Variants in EFEMP1 observed in about 807,000 individuals in gnomAD.
EFEMP1 encodes the protein EGF-like fibulin extracellular matrix protein 1, also known as EGF-containing fibulin-like extracellular matrix protein 1.
Under a neutral mutation model 65.7 loss-of-function variants are expected in EFEMP1, and 18 were observed. The observed-to-expected ratio is 0.27, with a 90% CI of 0.19 to 0.41. The LOEUF is 0.41. Among genes scored for constraint, EFEMP1 ranks in the 10% least tolerant of loss-of-function variants. The pLI is 1.00. For missense variants in EFEMP1, 469 were observed against 624.8 expected (o/e 0.75, Z 2.66); for synonymous variants, 237 against 219.7 (o/e 1.08, Z -0.70).
intron 5 of EFEMP1, among the ~76,000 whole-genome samples, chr2:55,906,196 T>C (rs72924564): frequency 0.034 from 5,089 of 151,402 alleles, 254 homozygotes; most frequent in African/African-American, 0.11. Context: ...GGTCATATGA[T>C]TGAAGTTCAG....
At chr2:55,887,201 C>T (rs542686694) in intron 5 of EFEMP1, among the ~76,000 whole-genome samples, 2 of 152,126 alleles carry the variant, frequency 1.3e-5, no homozygotes, top group Non-Finnish European at 2.9e-5. Context: ...TGCCCAGGGT[C>T]ACACAGAGCA....
chr2:55,868,455 G>C (rs1229581918), intron 11 of EFEMP1, among the ~76,000 whole-genome samples: 1 of 152,120 alleles, frequency 6.6e-6, no homozygotes, highest in Non-Finnish European at 1.5e-5. Context: ...GAGACACTGG[G>C]GCAGTGTGGG....
chr2:55,881,959 G>C (rs1443930091), intron 5 of EFEMP1, among the ~76,000 whole-genome samples: 1 of 152,130 alleles, frequency 6.6e-6, no homozygotes, highest in Non-Finnish European at 1.5e-5. Flanking sequence ...ATTTTGTCAT[G>C]TTGGTCTTGG....
chr2:55,889,519 T>A (rs1177467595), intron 5 of EFEMP1, among the ~76,000 whole-genome samples: 1 of 152,200 alleles, frequency 6.6e-6, no homozygotes, highest in Non-Finnish European at 1.5e-5. Flanking sequence ...ACTAAATTCT[T>A]TTTTCTGTTC....
chr2:55,869,190 A>G (rs1054980566), intron 11 of EFEMP1, among the ~76,000 whole-genome samples: 3 of 152,136 alleles, frequency 2.0e-5, no homozygotes, highest in Admixed American at 1.3e-4. Context: ...GCAAAGAAAA[A>G]ACATGTTGGA....
intron 5 of EFEMP1, among the ~76,000 whole-genome samples, chr2:55,892,778 A>C (rs1669679828): frequency 6.6e-6 from 1 of 152,138 alleles, no homozygotes; most frequent in Non-Finnish European, 1.5e-5. Context: ...GATGTGTTAA[A>C]GGTTGATGCC....
intron 5 of EFEMP1, among the ~76,000 whole-genome samples, chr2:55,900,597 C>CA (rs1258677871): frequency 1.3e-5 from 2 of 151,920 alleles, no homozygotes; most frequent in Admixed American, 6.6e-5. Flanking sequence ...TCTTCTTTAC[C>CA]AAAAAAACCC....
At chr2:55,889,833 A>T (rs1037514922) in intron 5 of EFEMP1, among the ~76,000 whole-genome samples, 22 of 151,794 alleles carry the variant, frequency 1.4e-4, no homozygotes, top group Non-Finnish European at 2.5e-4. Flanking sequence ...GTAAAAAAAA[A>T]AAATAAAACT....
chr2:55,904,966 C>CTTTTTTTTTTTT lies in EFEMP1; in HGVS notation c.517+12687_517+12698dup, dbSNP rs796758221. ...TTTCTTCTCTTCTAAGGGATAGTGG[C>CTTTTTTTTTTTT]TTTTTTTTTTTTCTTTTTCTTTTTT... On this transcript the variant is annotated intron_variant, in intron 5 of 11. Transcript: ENST00000355426. 1.7e-4 allele frequency among the ~76,000 whole-genome samples: 12 copies of CTTTTTTTTTTTT among 70,556 alleles called. 2 individuals carry two copies. Among genetic ancestry groups the CTTTTTTTTTTTT allele is most frequent in the South Asian group, 5.4e-4 (1 of 1,852 alleles). The allele number at this position is 70,556 out of a possible 152,430, so 46.3% of individuals were successfully genotyped here.
intron 5 of EFEMP1, among the ~76,000 whole-genome samples, chr2:55,906,950 T>C (rs770526664): frequency 6.6e-6 from 1 of 152,252 alleles, no homozygotes; most frequent in Non-Finnish European, 1.5e-5. Flanking sequence ...AAGTATATGA[T>C]GACAAAGCCT....
chr2:55,896,316 A>G (rs1477161224), intron 5 of EFEMP1, among the ~76,000 whole-genome samples: 2 of 152,254 alleles, frequency 1.3e-5, no homozygotes, highest in Non-Finnish European at 1.5e-5. Flanking sequence ...GCAAAGGCTG[A>G]ATTACAATTT....
At chr2:55,888,770 C>T (rs1471672583) in intron 5 of EFEMP1, among the ~76,000 whole-genome samples, 2 of 152,148 alleles carry the variant, frequency 1.3e-5, no homozygotes, top group African/African-American at 4.8e-5. Context: ...CAGAGTGGCT[C>T]AGTACTAGAA....
At chr2:55,889,087 T>G (rs1039181229) in intron 5 of EFEMP1, among the ~76,000 whole-genome samples, 2 of 152,188 alleles carry the variant, frequency 1.3e-5, no homozygotes, top group African/African-American at 2.4e-5. Flanking sequence ...CCTGAGGCCT[T>G]GCAGCCAGAT....
chr2:55,906,380 C>T (rs530268383), intron 5 of EFEMP1, among the ~76,000 whole-genome samples: 4 of 152,150 alleles, frequency 2.6e-5, no homozygotes, highest in Admixed American at 6.5e-5. Context: ...TGTGCCATCA[C>T]GCCCAGCTAA....
Position 55,871,909 on chromosome 2 carries a change from C to T in EFEMP1, c.1001-786G>A, listed in dbSNP as rs1256512139. On this transcript the variant is annotated intron_variant, in intron 9 of 11. Coordinates refer to ENST00000355426, the MANE Select transcript of EFEMP1 (RefSeq NM_001039348.3). The surrounding 1 kb of genome is among the most constrained non-coding windows in gnomAD (Gnocchi z 4.2). ...GAGGCTGTCAGTGCAGGGAGACAAC[C>T]CAGGAAAAGGCAATGCCAAAGAAGT... is the stretch of plus-strand genomic sequence containing the variant. Among the ~76,000 whole-genome samples the T allele has an allele frequency of 1.3e-5, 2 of 151,812 alleles. No homozygotes were observed. Among genetic ancestry groups the T allele is most frequent in the African/African-American group, 4.8e-5 (2 of 41,312 alleles).
intron 5 of EFEMP1, among the ~76,000 whole-genome samples, chr2:55,905,609 T>C (rs1670230510): frequency 6.6e-6 from 1 of 152,030 alleles, no homozygotes; most frequent in African/African-American, 2.4e-5. Context: ...CCACCACCCC[T>C]GGCTAATTTT....
intron 5 of EFEMP1, among the ~76,000 whole-genome samples, chr2:55,913,399 T>C (rs1670557158): frequency 6.6e-6 from 1 of 152,186 alleles, no homozygotes; most frequent in Admixed American, 6.5e-5. Flanking sequence ...TTATTGGACA[T>C]TCGTACTGAG....
intron 5 of EFEMP1, among the ~76,000 whole-genome samples, chr2:55,895,241 G>C (rs1254273680): frequency 2.0e-5 from 3 of 152,244 alleles, no homozygotes; most frequent in Non-Finnish European, 2.9e-5. Flanking sequence ...ACAAAATGCA[G>C]ATGGTCCTGT....
intron 5 of EFEMP1, among the ~76,000 whole-genome samples, chr2:55,915,166 C>T (rs1670630738): frequency 6.6e-6 from 1 of 152,170 alleles, no homozygotes; most frequent in Admixed American, 6.5e-5. Context: ...CCAACTTAAG[C>T]CCTAAGCCTT....
Sources: gnomAD v4.1 joint callset for allele counts (sites outside exome capture counted in the v4.1 genomes callset) on GRCh38, gnomAD v4.1.1 for gene constraint, Gnocchi (gnomAD v3.1) non-coding constraint, MANE v1.5 for transcripts, NCBI Gene and HGNC (gene_info 2026-07-23, HGNC 2026-07-21) for gene names.